The following PEBP1 variants were observed in gnomAD, a reference collection of about 807,000 sequenced individuals.
PEBP1 encodes the protein phosphatidylethanolamine binding protein 1.
PEBP1 carries 17 observed loss-of-function variants against 22.7 expected under a neutral mutation model. The ratio of observed to expected loss-of-function variants is 0.75; its 90% CI spans 0.51 to 1.12. PEBP1 has a LOEUF of 1.12. Among genes scored for constraint, PEBP1 ranks in the 50% most tolerant of loss-of-function variants. The pLI, the probability that PEBP1 is intolerant of heterozygous loss-of-function variation, is 0.00. For synonymous variants in PEBP1, 106 were observed against 104.3 expected, an observed-to-expected ratio of 1.02 and a Z score of -0.10; for missense variants, 205 against 243.5, an observed-to-expected ratio of 0.84 and a Z score of 1.05.
chr12:118,136,384 G>A lies in PEBP1; in HGVS notation c.135+40G>A, dbSNP rs1301173952. On this transcript the variant is annotated intron_variant, in intron 1 of 3. Transcript: ENST00000261313. The surrounding 1 kb of genome is among the most constrained non-coding windows in gnomAD (Gnocchi z 5.6). ...GGGCGTGCAGCGAGCGGCACGGCGCGGAGGCCTGTGCCGGCCTCCTGGGTG... is the reference window on the plus strand; with the variant it reads ...GGGCGTGCAGCGAGCGGCACGGCGCAGAGGCCTGTGCCGGCCTCCTGGGTG... The A allele has an allele frequency of 2.0e-6, 3 of 1,520,212 alleles. No homozygotes were observed. Among genetic ancestry groups the A allele is most frequent in the South Asian group, 1.2e-5 (1 of 80,616 alleles). The allele number at this position is 1,520,212 out of a possible 1,614,324, so 94.2% of individuals were successfully genotyped here. A position where few individuals can be genotyped will look rare whatever the true frequency, so the allele number is the denominator to read the frequency against.
rs1190636281 is a variant in PEBP1 at position 118,136,822 on chromosome 12, C to A, written c.135+478C>A. 6.6e-6 allele frequency among the ~76,000 whole-genome samples: 1 copy of A among 152,098 alleles called. No homozygotes were observed. The highest frequency in any genetic ancestry group is 1.5e-5 in the Non-Finnish European group (1 of 68,014). On this transcript the variant is annotated intron_variant, in intron 1 of 3. Coordinates refer to ENST00000261313, the MANE Select transcript of PEBP1 (RefSeq NM_002567.4). The surrounding 1 kb of genome is among the most constrained non-coding windows in gnomAD (Gnocchi z 5.6). ...TGTAACTGGCGATGAGCGCGCCGGC[C>A]GATTTCTCCTTTGTTAAATGGGTCG...
At chr12:118,140,136 TAGAA>T (rs1459220746) in intron 3 of PEBP1, among the ~76,000 whole-genome samples, 6 of 152,254 alleles carry the variant, frequency 3.9e-5, no homozygotes, top group Admixed American at 2.0e-4. Flanking sequence ...TATTTAGAGA[TAGAA>T]AGAGAAAGCC....
In PEBP1 at chr12:118,138,077, T is replaced by G; in HGVS notation, c.174T>G (p.Leu58=). The change falls in exon 2 of 4, where the codon CTT becomes CTG. Residue 58 remains leucine (L), a synonymous_variant. Transcript: ENST00000261313. Reference sequence around the variant, plus strand: ...CCACCAGCATTTCGTGGGATGGTCTTGATTCAGGGAAGCTCTACACCTTGG... The same window carrying G: ...CCACCAGCATTTCGTGGGATGGTCTGGATTCAGGGAAGCTCTACACCTTGG... ...NRPTSISWDG[L]DSGKLYTLVL... is the part of the protein sequence containing the mutation. 1 of 1,613,506 alleles carries G rather than the reference T, an allele frequency of 6.2e-7. No individual in the cohort carries two copies.
intron 3 of PEBP1, among the ~76,000 whole-genome samples, chr12:118,141,849 T>A (rs1265043165): frequency 6.6e-6 from 1 of 152,236 alleles, no homozygotes; most frequent in Non-Finnish European, 1.5e-5. Context: ...TACCCCTTTT[T>A]ATTGCTCAGT....
chr12:118,142,994 G>A (rs541212172), intron 3 of PEBP1, among the ~76,000 whole-genome samples: 162 of 150,132 alleles, frequency 1.1e-3, no homozygotes, highest in Non-Finnish European at 2.0e-3. Context: ...ACAGGCACAG[G>A]CTACCTACCA....
chr12:118,139,621 C>A, intron 3 of PEBP1, 70 bp downstream of exon 3: 3 of 962,704 alleles, frequency 3.1e-6, no homozygotes, highest in South Asian at 1.4e-5. Flanking sequence ...TGACCCAATG[C>A]TTTTCTTTTG....
At chr12:118,142,999 C>T (rs930108958) in intron 3 of PEBP1, among the ~76,000 whole-genome samples, 3 of 151,402 alleles carry the variant, frequency 2.0e-5, no homozygotes, top group Non-Finnish European at 4.4e-5. Flanking sequence ...CACAGGCTAC[C>T]TACCACATCC....
chr12:118,136,124 A>G lies in PEBP1; in HGVS notation c.-86A>G. On this transcript the variant is annotated 5_prime_UTR_variant, in exon 1 of 4. Coordinates refer to ENST00000261313, the MANE Select transcript of PEBP1 (RefSeq NM_002567.4). The surrounding 1 kb of genome is among the most constrained non-coding windows in gnomAD (Gnocchi z 5.6). ...CGCTGGGTCTGCGTCTTCCCGAGCC[A>G]GTGTGCTGAGCTCTCCGCGTCGCCT... 2.0e-6 allele frequency: 3 copies of G among 1,466,162 alleles called. No individual in the cohort carries two copies. The highest frequency in any genetic ancestry group is 2.7e-6 in the Non-Finnish European group (3 of 1,093,408). 90.8% of individuals were successfully genotyped at this position (1,466,162 alleles called of 1,614,324 possible).
chr12:118,139,605 T>C (rs2034097634), intron 3 of PEBP1, 54 bp downstream of exon 3: 2 of 1,086,978 alleles, frequency 1.8e-6, no homozygotes, highest in South Asian at 2.6e-5. Context: ...GGGGGCACAT[T>C]AGGATTGACC....
At chr12:118,143,900 C>T (rs1163758790) in intron 3 of PEBP1, among the ~76,000 whole-genome samples, 6 of 122,736 alleles carry the variant, frequency 4.9e-5, no homozygotes, top group East Asian at 2.2e-4. Context: ...AGTGAGACTC[C>T]GTCTCAAAAA....
chr12:118,141,602 C>T (rs961599576), intron 3 of PEBP1, among the ~76,000 whole-genome samples: 8 of 152,148 alleles, frequency 5.3e-5, no homozygotes, highest in Non-Finnish European at 1.0e-4. Flanking sequence ...GGCATGGTGG[C>T]ATACGTCTGT....
intron 3 of PEBP1, among the ~76,000 whole-genome samples, chr12:118,142,306 C>T (rs1340332598): frequency 2.0e-5 from 3 of 151,568 alleles, no homozygotes; most frequent in African/African-American, 4.8e-5. Flanking sequence ...GATTCTCCTG[C>T]CTCAGCCTCC....
intron 3 of PEBP1, among the ~76,000 whole-genome samples, chr12:118,140,699 T>C (rs1390892355): frequency 1.3e-5 from 2 of 152,074 alleles, no homozygotes; most frequent in South Asian, 4.1e-4. Flanking sequence ...CCACCATGCC[T>C]GGCTAATTTT....
chr12:118,144,473 T>C, intron 3 of PEBP1, 113 bp from the exon 4 acceptor site: 1 of 985,978 alleles, frequency 1.0e-6, no homozygotes, highest in Middle Eastern at 2.1e-4. Flanking sequence ...GTGTCCTCCT[T>C]GTAAATGGTG....
In PEBP1 at chr12:118,136,333, A is replaced by T. The variant is rs1403116335; in HGVS notation, c.124A>T (p.Thr42Ser). The part of the protein sequence containing the change: ...AAVDELGKVL[T>S]PTQVKNRPTS... ...GGTGGACGAGCTGGGCAAAGTGCTG[A>T]CGCCCACCCAGGTACACCGGGCGGC... The change falls in exon 1 of 4, where the codon ACG (threonine) becomes TCG (serine). Residue 42 changes from threonine to serine, a missense_variant. Thr to Ser is a moderately conservative substitution (Grantham distance 58). Coordinates refer to ENST00000261313, the MANE Select transcript of PEBP1 (RefSeq NM_002567.4). The surrounding 1 kb of genome is among the most constrained non-coding windows in gnomAD (Gnocchi z 5.6). The T allele has an allele frequency of 6.5e-7, 1 of 1,542,112 alleles. No individual in the cohort carries two copies. The highest frequency in any genetic ancestry group is 1.4e-5 in the African/African-American group (1 of 72,738).
chr12:118,138,757 G>A (rs1279175963), intron 2 of PEBP1, among the ~76,000 whole-genome samples: 10 of 152,110 alleles, frequency 6.6e-5, no homozygotes, highest in East Asian at 5.8e-4. Context: ...TTTATGATGT[G>A]GAAATTACAC....
rs1171744046 is a variant in PEBP1 at position 118,136,819 on chromosome 12, G to A, written c.135+475G>A. 6.6e-6 allele frequency among the ~76,000 whole-genome samples: 1 copy of A among 152,158 alleles called. No homozygotes were observed. Among genetic ancestry groups the A allele is most frequent in the Non-Finnish European group, 1.5e-5 (1 of 68,016 alleles). The stretch of plus-strand genomic sequence containing the variant: ...TTATGTAACTGGCGATGAGCGCGCC[G>A]GCCGATTTCTCCTTTGTTAAATGGG... On this transcript the variant is annotated intron_variant, in intron 1 of 3. Coordinates refer to ENST00000261313, the MANE Select transcript of PEBP1 (RefSeq NM_002567.4). The surrounding 1 kb of genome is among the most constrained non-coding windows in gnomAD (Gnocchi z 5.6).
In PEBP1 at chr12:118,136,407, G is replaced by C; in HGVS notation, c.135+63G>C. On this transcript the variant is annotated intron_variant, in intron 1 of 3. Coordinates refer to ENST00000261313, the MANE Select transcript of PEBP1 (RefSeq NM_002567.4). The surrounding 1 kb of genome is among the most constrained non-coding windows in gnomAD (Gnocchi z 5.6). The stretch of plus-strand genomic sequence containing the variant: ...GCGGAGGCCTGTGCCGGCCTCCTGG[G>C]TGGGACCCAGCGGAGACAGGGCCAG... The C allele has an allele frequency of 6.7e-7, 1 of 1,489,838 alleles. No individual in the cohort carries two copies. Among genetic ancestry groups the C allele is most frequent in the African/African-American group, 1.4e-5 (1 of 70,776 alleles). 92.3% of individuals were successfully genotyped at this position (1,489,838 alleles called of 1,614,324 possible).
At position 118,139,578 on chromosome 12, in the gene PEBP1, G is replaced by A. The variant is rs375156252; in HGVS notation, c.346+27G>A. On this transcript the variant is annotated intron_variant, in intron 3 of 3. Transcript: ENST00000261313. ...TTAGTAAAGGTTGTTTTTGGTGGGA[G>A]GTTGGGGAGGGAGCTCGGGGGCACA... 2.1e-5 allele frequency: 30 copies of A among 1,438,964 alleles called. No individual in the cohort carries two copies. The Admixed American group carries it at 5.0e-4, about 24-fold the overall frequency. The allele number at this position is 1,438,964 out of a possible 1,614,324, so 89.1% of individuals were successfully genotyped here. A position where few individuals can be genotyped will look rare whatever the true frequency, so the allele number is the denominator to read the frequency against.
Sources: gnomAD v4.1 joint callset for allele counts (sites outside exome capture counted in the v4.1 genomes callset) on GRCh38, gnomAD v4.1.1 for gene constraint, Gnocchi (gnomAD v3.1) non-coding constraint, MANE v1.5 for transcripts, NCBI Gene and HGNC (gene_info 2026-07-23, HGNC 2026-07-21) for gene names.